GALNT13: variants seen among roughly 807,000 people sequenced by gnomAD.
GALNT13 encodes the protein UDP-GalNAc:polypeptide N-acetylgalactosaminyltransferase 13.
A neutral mutation model predicts 64.2 loss-of-function variants in GALNT13; 28 were observed. That is an observed-to-expected ratio of 0.44 (90% CI 0.32 to 0.60). The LOEUF (loss-of-function observed/expected upper bound fraction) is 0.60, where lower values mean the gene tolerates loss of function less well. GALNT13 is among the 20% of genes least tolerant of loss of function. The probability of loss-of-function intolerance (pLI) is 0.05; values close to 1 mark genes in which losing one functional copy is unlikely to be tolerated. For missense variants in GALNT13, 577 were observed against 669.8 expected, an observed-to-expected ratio of 0.86 and a Z score of 1.53; for synonymous variants, 214 against 224.6, an observed-to-expected ratio of 0.95 and a Z score of 0.42.
chr2:153,567,681 C>A, the GALNT13 span, among the ~76,000 whole-genome samples: 2 of 152,168 alleles, frequency 1.3e-5, no homozygotes, highest in Non-Finnish European at 2.9e-5. Context: ...CTGGAGAAAT[C>A]ACTCAAAGTA....
chr2:154,051,884 G>A (rs968980429), intron 3 of GALNT13, among the ~76,000 whole-genome samples: 3 of 152,130 alleles, frequency 2.0e-5, no homozygotes, highest in African/African-American at 7.2e-5. Flanking sequence ...CTAACTCTGA[G>A]CTTTCCAATG....
At chr2:153,636,595 T>C in the GALNT13 span, among the ~76,000 whole-genome samples, 4 of 152,144 alleles carry the variant, frequency 2.6e-5, no homozygotes, top group Non-Finnish European at 4.4e-5. Flanking sequence ...TTTTTAAATT[T>C]GGAGAAATTG....
the GALNT13 span, among the ~76,000 whole-genome samples, chr2:153,726,329 T>C: frequency 2.0e-5 from 3 of 152,178 alleles, no homozygotes; most frequent in African/African-American, 4.8e-5. Context: ...GTGACTCGTG[T>C]CTTTTTTAAA....
chr2:153,273,401 A>G, the GALNT13 span, among the ~76,000 whole-genome samples: 2 of 152,176 alleles, frequency 1.3e-5, no homozygotes, highest in African/African-American at 4.8e-5. Context: ...GCTTCTTCCT[A>G]CTTTGTCTAG....
chr2:153,335,584 T>C, the GALNT13 span, among the ~76,000 whole-genome samples: 6 of 152,202 alleles, frequency 3.9e-5, no homozygotes, highest in East Asian at 9.6e-4. Flanking sequence ...AAGAAATTTC[T>C]AAGCAGCAAA....
rs1055874284 is a variant in GALNT13 at position 153,933,508 on chromosome 2, C to T, written c.-104-10886C>T. 2.6e-5 allele frequency among the ~76,000 whole-genome samples: 4 copies of T among 152,086 alleles called. 1 individual carries two copies. The highest frequency in any genetic ancestry group is 4.8e-5 in the African/African-American group (2 of 41,418). ...GTCAGCATATGCTTGAGTCTTTCTT[C>T]TTTATCCAAATCTTCACTTTGTGCC... On this transcript the variant is annotated intron_variant, in intron 2 of 12. Transcript: ENST00000392825.
chr2:154,013,574 C>T (rs1223206282), intron 3 of GALNT13, among the ~76,000 whole-genome samples: 1 of 152,144 alleles, frequency 6.6e-6, no homozygotes, highest in Non-Finnish European at 1.5e-5. Context: ...CCGGTGTACA[C>T]TGTGCTCACT....
the GALNT13 span, among the ~76,000 whole-genome samples, chr2:153,642,165 T>C: frequency 6.6e-6 from 1 of 152,068 alleles, no homozygotes; most frequent in East Asian, 1.9e-4. Flanking sequence ...GTCATTATTT[T>C]CTAATATGTT....
the GALNT13 span, among the ~76,000 whole-genome samples, chr2:153,160,793 A>G: frequency 6.6e-6 from 1 of 152,210 alleles, no homozygotes; most frequent in Admixed American, 6.5e-5. Flanking sequence ...TCATAGTGGT[A>G]TCCTTGGAAA....
At chr2:153,438,974 ATGG>A in the GALNT13 span, among the ~76,000 whole-genome samples, 3 of 151,852 alleles carry the variant, frequency 2.0e-5, no homozygotes, top group Non-Finnish European at 2.9e-5. Context: ...GTCTTTGATG[ATGG>A]TGACGTACAG....
At chr2:154,067,537 AAAG>A (rs1166978321) in intron 3 of GALNT13, among the ~76,000 whole-genome samples, 3 of 151,982 alleles carry the variant, frequency 2.0e-5, no homozygotes, top group Non-Finnish European at 4.4e-5. Context: ...AAGAAGAGAC[AAAG>A]AAGTTTATTA....
the GALNT13 span, among the ~76,000 whole-genome samples, chr2:153,162,689 C>T: frequency 4.6e-5 from 7 of 152,134 alleles, no homozygotes; most frequent in East Asian, 1.9e-4. Context: ...ATTTATATGA[C>T]GATGCCATTG....
chr2:154,039,973 A>C (rs941755066), intron 3 of GALNT13, among the ~76,000 whole-genome samples: 2 of 140,488 alleles, frequency 1.4e-5, no homozygotes, highest in African/African-American at 4.9e-5. Context: ...TCTGTAGCTT[A>C]CTCTGGCCTC....
At chr2:154,300,856 G>A (rs922841496) in intron 8 of GALNT13, among the ~76,000 whole-genome samples, 1 of 152,138 alleles carries the variant, frequency 6.6e-6, no homozygotes, top group Non-Finnish European at 1.5e-5. Flanking sequence ...TCTCCCCCCA[G>A]AGCTTTCTAG....
the GALNT13 span, among the ~76,000 whole-genome samples, chr2:153,568,912 T>C: frequency 5.9e-5 from 9 of 152,208 alleles, no homozygotes; most frequent in African/African-American, 2.2e-4. Flanking sequence ...TTTCCCAACA[T>C]TGTTTTAAAA....
chr2:153,373,942 T>C, the GALNT13 span, among the ~76,000 whole-genome samples: 1 of 152,212 alleles, frequency 6.6e-6, no homozygotes, highest in African/African-American at 2.4e-5. Flanking sequence ...GTGCCAAAAT[T>C]TCTATCTTTT....
At chr2:153,501,757 T>A in the GALNT13 span, among the ~76,000 whole-genome samples, 1 of 149,960 alleles carries the variant, frequency 6.7e-6, no homozygotes, top group Non-Finnish European at 1.5e-5. Context: ...AGAAAAAAAC[T>A]TTTTTTAAGA....
At chr2:153,908,890 C>G (rs918271475) in intron 2 of GALNT13, among the ~76,000 whole-genome samples, 2 of 151,882 alleles carry the variant, frequency 1.3e-5, no homozygotes, top group Non-Finnish European at 2.9e-5. Context: ...TTTTTTGGTT[C>G]CATATGAATT....
chr2:153,530,160 C>G, the GALNT13 span, among the ~76,000 whole-genome samples: 2 of 151,860 alleles, frequency 1.3e-5, no homozygotes, highest in African/African-American at 4.8e-5. Flanking sequence ...AAAGACTCCA[C>G]CAAAAACTAT....
Sources: allele counts gnomAD v4.1 joint callset (sites outside exome capture counted in the v4.1 genomes callset), GRCh38; gene constraint gnomAD v4.1.1; transcripts MANE v1.5; gene names NCBI Gene and HGNC (gene_info 2026-07-23, HGNC 2026-07-21).